The following SIRPD variants were observed in gnomAD, a reference collection of about 807,000 sequenced individuals.
SIRPD encodes signal-regulatory protein delta.
A neutral mutation model predicts 18.0 loss-of-function variants in SIRPD; 21 were observed. That is an observed-to-expected ratio of 1.17 (90% confidence interval 0.83 to 1.68). The LOEUF (loss-of-function observed/expected upper bound fraction) is 1.68, where lower values mean the gene tolerates loss of function less well. SIRPD is among the 40% of genes most tolerant of loss of function. The pLI is 0.00. For synonymous variants in SIRPD, 106 were observed against 92.9 expected (o/e 1.14, Z -0.81); for missense variants, 295 against 238.4 (o/e 1.24, Z -1.56).
chr20:1,543,507 T>C (rs2123127126), intron 2 of SIRPD, among the ~76,000 whole-genome samples: 1 of 152,332 alleles, frequency 6.6e-6, no homozygotes, highest in African/African-American at 2.4e-5. Flanking sequence ...GTCTATTTGA[T>C]TCTTCTCTCT....
chr20:1,551,727 A>G lies in SIRPD; in HGVS notation c.385T>C (p.Tyr129His). 6.2e-7 allele frequency: 1 copy of G among 1,613,908 alleles called. No individual in the cohort carries two copies. The highest frequency in any genetic ancestry group is 8.5e-7 in the Non-Finnish European group (1 of 1,179,902). The change falls in exon 2 of 4, where the codon TAC (tyrosine) becomes CAC (histidine). Residue 129 changes from tyrosine (Y) to histidine (H), a missense_variant. By Grantham distance (83) the Tyr-to-His change is moderately conservative. Coordinates refer to ENST00000381623, the MANE Select transcript of SIRPD (RefSeq NM_178460.3). ...KFIKGRAIKE[Y>H]QSGRGTQVFV... is the part of the protein sequence containing the mutation. ...ACCTGAGTGCCCCGACCTGATTGGT[A>G]CTCCTTGATAGCTCTTCCTTTTATG...
intron 3 of SIRPD, among the ~76,000 whole-genome samples, chr20:1,535,024 G>A (rs1178572559): frequency 6.6e-6 from 1 of 152,192 alleles, no homozygotes; most frequent in Non-Finnish European, 1.5e-5. Context: ...CATGGCCCAT[G>A]TCCAAGAATA....
intron 2 of SIRPD, among the ~76,000 whole-genome samples, chr20:1,541,507 T>C (rs2090971253): frequency 6.6e-6 from 1 of 152,226 alleles, no homozygotes; most frequent in Non-Finnish European, 1.5e-5. Flanking sequence ...CTTGTACATT[T>C]GTTCATGTTC....
chr20:1,549,100 G>A (rs141706925), intron 2 of SIRPD, among the ~76,000 whole-genome samples: 1 of 151,922 alleles, frequency 6.6e-6, no homozygotes, highest in African/African-American at 2.4e-5. Flanking sequence ...TGCTAAATCT[G>A]CTTCTTCAAA....
In SIRPD at chr20:1,537,251, G is replaced by A. The variant is rs151165529; in HGVS notation, c.481C>T (p.His161Tyr). Residue 161 changes from histidine (H) to tyrosine (Y), a missense_variant, in exon 3 of 4, where the codon CAT becomes TAT. His to Tyr is a moderately conservative substitution (Grantham distance 83, BLOSUM62 2). Transcript: ENST00000381623. ...GCCGAGAGGCAGGTATGGGCATCAT[G>A]GTGGGCCCTGGAGCCTGCTCTGCCT... Reference protein sequence around the residue: ...PAGRAGSRAHHDAHTCLSALP... With the variant: ...PAGRAGSRAHYDAHTCLSALP... 13 of 1,614,022 alleles carry A rather than the reference G, an allele frequency of 8.1e-6. No homozygotes were observed. In the African/African-American group the frequency reaches 1.7e-4, roughly 22 times the overall value.
At chr20:1,556,817 C>T (rs150888672) in intron 1 of SIRPD, among the ~76,000 whole-genome samples, 144 of 152,288 alleles carry the variant, frequency 9.5e-4, no homozygotes, top group African/African-American at 3.2e-3. Context: ...GCCCACACTT[C>T]GATTTTGAAT....
chr20:1,537,116 C>T, intron 3 of SIRPD, 39 bp downstream of exon 3: 1 of 1,599,520 alleles, frequency 6.3e-7, no homozygotes, highest in Non-Finnish European at 8.5e-7. Context: ...CTCAGGAGAG[C>T]ATCCCTGCAT....
intron 2 of SIRPD, among the ~76,000 whole-genome samples, chr20:1,545,481 T>C (rs145750273): frequency 0.012 from 1,848 of 152,338 alleles, 37 homozygotes; most frequent in African/African-American, 0.041. Context: ...ATTTATGTTC[T>C]TCTCTAAACT....
At chr20:1,535,190 A>C (rs1262587689) in intron 3 of SIRPD, among the ~76,000 whole-genome samples, 1 of 152,250 alleles carries the variant, frequency 6.6e-6, no homozygotes, top group East Asian at 1.9e-4. Flanking sequence ...CATTGAGTAA[A>C]AGAACAAATA....
intron 2 of SIRPD, among the ~76,000 whole-genome samples, chr20:1,545,508 A>G (rs2090989749): frequency 6.6e-6 from 1 of 152,166 alleles, no homozygotes; most frequent in African/African-American, 2.4e-5. Context: ...TCTAGTTAGC[A>G]GTTCCTGCAA....
intron 2 of SIRPD, among the ~76,000 whole-genome samples, chr20:1,550,453 T>G (rs996676671): frequency 6.6e-6 from 1 of 152,156 alleles, no homozygotes; most frequent in Admixed American, 6.5e-5. Context: ...TATCATATAC[T>G]GAAGGTTTAT....
chr20:1,543,320 G>A (rs947398258), intron 2 of SIRPD, among the ~76,000 whole-genome samples: 1 of 152,150 alleles, frequency 6.6e-6, no homozygotes, highest in African/African-American at 2.4e-5. Context: ...CTTGTTATTG[G>A]TCTATTCAGG....
intron 2 of SIRPD, among the ~76,000 whole-genome samples, chr20:1,550,272 A>C (rs1317752880): frequency 6.6e-6 from 1 of 151,970 alleles, no homozygotes; most frequent in African/African-American, 2.4e-5. Flanking sequence ...TCTCCCATGG[A>C]CCTCCTCTCC....
intron 2 of SIRPD, among the ~76,000 whole-genome samples, chr20:1,549,589 T>C (rs1480874727): frequency 6.6e-6 from 1 of 152,004 alleles, no homozygotes; most frequent in African/African-American, 2.4e-5. Flanking sequence ...TTCTTTGCCA[T>C]GGGGTATAGC....
chr20:1,542,674 T>A (rs1338439130), intron 2 of SIRPD, among the ~76,000 whole-genome samples: 1 of 152,240 alleles, frequency 6.6e-6, no homozygotes, highest in Non-Finnish European at 1.5e-5. Flanking sequence ...TCCCATACTA[T>A]GTTGAATAGA....
At chr20:1,551,064 C>T (rs1568669944) in intron 2 of SIRPD, among the ~76,000 whole-genome samples, 1 of 152,130 alleles carries the variant, frequency 6.6e-6, no homozygotes, top group African/African-American at 2.4e-5. Flanking sequence ...TCTTGTAGCC[C>T]TTAGGACATT....
At chr20:1,537,124 C>CT in intron 3 of SIRPD, 31 bp downstream of exon 3, 1 of 1,607,300 alleles carries the variant, frequency 6.2e-7, no homozygotes, top group South Asian at 1.1e-5. Flanking sequence ...AGCATCCCTG[C>CT]ATCATGGTAC....
intron 1 of SIRPD, among the ~76,000 whole-genome samples, chr20:1,554,486 G>C (rs530255720): frequency 9.4e-4 from 143 of 152,222 alleles, no homozygotes; most frequent in African/African-American, 3.4e-3. Flanking sequence ...TGTACAAATA[G>C]GAGAATGACA....
chr20:1,540,884 G>A (rs1006777896), intron 2 of SIRPD, among the ~76,000 whole-genome samples: 1 of 152,134 alleles, frequency 6.6e-6, no homozygotes, highest in African/African-American at 2.4e-5. Context: ...GTGAGAATAT[G>A]TGGTGTTTAT....
Sources: allele counts gnomAD v4.1 joint callset (sites outside exome capture counted in the v4.1 genomes callset), GRCh38; gene constraint gnomAD v4.1.1; transcripts MANE v1.5; gene names NCBI Gene and HGNC (gene_info 2026-07-23, HGNC 2026-07-21).